Variants in COL7A1 observed in about 807,000 individuals in gnomAD.
COL7A1 encodes the protein collagen alpha-1(VII) chain.
In COL7A1, 296 loss-of-function variants were observed where a neutral mutation model predicts 456.2. The ratio of observed to expected loss-of-function variants is 0.65; its 90% confidence interval spans 0.59 to 0.71. The LOEUF is 0.71. Among genes scored for constraint, COL7A1 ranks in the 30% least tolerant of loss-of-function variants. The pLI is 0.00. For synonymous variants in COL7A1, 1,464 were observed against 1,525.9 expected (o/e 0.96, Z 0.95); for missense variants, 3,441 against 4,017.2 (o/e 0.86, Z 3.88).
At chr3:48,584,792 G>A (rs202152758) in intron 34 of COL7A1, 23 bp from the exon 35 acceptor site, 9 of 1,613,954 alleles carry the variant, frequency 5.6e-6, no homozygotes, top group East Asian at 2.2e-5. Flanking sequence ...CAGAGCAGAG[G>A]GTGGTGCTTG....
At position 48,595,170 on chromosome 3, in the gene COL7A1, A is replaced by C. The variant is rs2045996179; in HGVS notation, c.-1-10T>G. ...AAGCCGCAGCGTCATCCTAGGCAGT[A>C]AAAGCCGTCAGCTAGGACCCCCGCC... On this transcript the variant is annotated splice_polypyrimidine_tract_variant and intron_variant, in intron 1 of 118. Transcript: ENST00000681320. 2 of 1,549,958 alleles carry C rather than the reference A, an allele frequency of 1.3e-6. No individual in the cohort carries two copies. Among genetic ancestry groups the C allele is most frequent in the Admixed American group, 2.0e-5 (1 of 51,136 alleles).
At position 48,569,705 on chromosome 3, in the gene COL7A1, C is replaced by T. The variant is rs1188811754; in HGVS notation, c.7557+20G>A. On this transcript the variant is annotated intron_variant, in intron 101 of 118. Transcript: ENST00000681320. The surrounding 1 kb of genome is among the most constrained non-coding windows in gnomAD (Gnocchi z 4.9). ...GGAGCACCCTGGCCCCTGCCCTGCC[C>T]TCCCCATGCCCACACTCACCTTGTC... 2 of 1,614,152 alleles carry T rather than the reference C, an allele frequency of 1.2e-6. No individual in the cohort carries two copies. Among genetic ancestry groups the T allele is most frequent in the South Asian group, 1.1e-5 (1 of 91,088 alleles).
rs780841835 is a variant in COL7A1, at chr3:48,585,626, G to T, written c.3832-7C>A. 2.5e-6 allele frequency: 4 copies of T among 1,614,058 alleles called. No homozygotes were observed. Among genetic ancestry groups the T allele is most frequent in the Admixed American group, 3.3e-5 (2 of 60,030 alleles). On this transcript the variant is annotated splice_polypyrimidine_tract_variant and splice_region_variant and intron_variant, in intron 31 of 118. Coordinates refer to ENST00000681320, the MANE Select transcript of COL7A1 (RefSeq NM_000094.4). The surrounding 1 kb of genome is among the most constrained non-coding windows in gnomAD (Gnocchi z 4.5). ...CGGGAGCACCGGTCCTGCCCTGAAA[G>T]AAGATAGCAGTTAGGTGGGGATAAG...
chr3:48,570,822 G>GATT lies in COL7A1; in HGVS notation c.7272+36_7272+38dup, dbSNP rs1301884364. ...CAGGGCCCCCTCCTCACCCACCATG[G>GATT]ATTCACCATGCCCCTACATGCTGTT... On this transcript the variant is annotated intron_variant, in intron 95 of 118. Transcript: ENST00000681320. This position sits in a 1 kb window ranked among gnomAD's most constrained non-coding sequence, Gnocchi z 5.5. 11 of 1,581,982 alleles carry GATT rather than the reference G, an allele frequency of 7.0e-6. No homozygotes were observed. The highest frequency in any genetic ancestry group is 8.6e-7 in the Non-Finnish European group (1 of 1,163,826).
Position 48,579,602 on chromosome 3 carries a change from C to T in COL7A1, c.5221G>A (p.Ala1741Thr), listed in dbSNP as rs1344057327. 13 of 1,613,854 alleles carry T rather than the reference C, an allele frequency of 8.1e-6. No homozygotes were observed. Among genetic ancestry groups the T allele is most frequent in the Non-Finnish European group, 1.1e-5 (13 of 1,179,990 alleles). The part of the protein sequence containing the change: ...GPKGDPGLPG[A>T]PGERGIEGFR... ...ATCACACTCACCCTTTCCCCAGGGG[C>T]TCCAGGGAGGCCAGGATCACCCTTG... The change falls in exon 59 of 119, where the codon GCC becomes ACC. Residue 1741 changes from alanine to threonine, a missense_variant. Ala to Thr is a moderately conservative substitution (Grantham distance 58). Transcript: ENST00000681320. This position sits in a 1 kb window ranked among gnomAD's most constrained non-coding sequence, Gnocchi z 4.4.
In COL7A1 at chr3:48,587,168, C is replaced by G. The variant is rs1468048976; in HGVS notation, c.3139+22G>C. On this transcript the variant is annotated intron_variant, in intron 24 of 118. Coordinates refer to ENST00000681320, the MANE Select transcript of COL7A1 (RefSeq NM_000094.4). The surrounding 1 kb of genome is among the most constrained non-coding windows in gnomAD (Gnocchi z 6.1). Reference sequence around the variant, plus strand: ...GCCCACCCAGACACACCTTTCTGCCCTTCCCACTACGCCCACTATACCTGG... The same window carrying G: ...GCCCACCCAGACACACCTTTCTGCCGTTCCCACTACGCCCACTATACCTGG... The G allele has an allele frequency of 1.9e-6, 3 of 1,613,566 alleles. No homozygotes were observed. The highest frequency in any genetic ancestry group is 1.7e-5 in the Admixed American group (1 of 59,948).
At chr3:48,582,229 A>C in intron 47 of COL7A1, 94 bp downstream of exon 47, 1 of 1,603,316 alleles carries the variant, frequency 6.2e-7, no homozygotes, top group Non-Finnish European at 8.5e-7. Context: ...TCACGGGCCC[A>C]GCACTGTGGA....
In COL7A1 at chr3:48,588,928, G is replaced by A. The variant is rs1388911281; in HGVS notation, c.2382C>T (p.Ile794=). 2 of 1,613,680 alleles carry A rather than the reference G, an allele frequency of 1.2e-6. No individual in the cohort carries two copies. The highest frequency in any genetic ancestry group is 1.7e-5 in the Admixed American group (1 of 60,032). The change falls in exon 19 of 119, where the codon ATC becomes ATT. Residue 794 remains isoleucine, a synonymous_variant. Transcript: ENST00000681320. The surrounding 1 kb of genome is among the most constrained non-coding windows in gnomAD (Gnocchi z 4.6). ...TGGCTCCAGTGACCCCTACCCAGGT[G>A]ATCCGTAGAACGTCGCTGGAAGCAT... ...ILNASSDVLR[I]TWVGVTGATA...
rs760868917 is a variant in COL7A1 at position 48,565,710 on chromosome 3, A to G, written c.8408-42T>C. 35 of 1,576,234 alleles carry G rather than the reference A, an allele frequency of 2.2e-5. No individual in the cohort carries two copies. In the African/African-American group the frequency reaches 4.1e-4, roughly 18 times the overall value. ...GGGATAGAGAGACAATGACAGAGAG[A>G]AGGATGGGAAGATGGAGAGACAGAC... On this transcript the variant is annotated intron_variant, in intron 114 of 118. Coordinates refer to ENST00000681320, the MANE Select transcript of COL7A1 (RefSeq NM_000094.4). This position sits in a 1 kb window ranked among gnomAD's most constrained non-coding sequence, Gnocchi z 4.5.
At position 48,573,679 on chromosome 3, in the gene COL7A1, T is replaced by C. The variant is rs1168717180; in HGVS notation, c.6573+11A>G. Reference sequence around the variant, plus strand: ...CAGACCCTCACCAGGCAGTGTTCCCTGGTCACTCACCGGGGCACCAGGTGG... The same window carrying C: ...CAGACCCTCACCAGGCAGTGTTCCCCGGTCACTCACCGGGGCACCAGGTGG... On this transcript the variant is annotated intron_variant, in intron 82 of 118. Transcript: ENST00000681320. This position sits in a 1 kb window ranked among gnomAD's most constrained non-coding sequence, Gnocchi z 5.5. The C allele has an allele frequency of 3.1e-6, 5 of 1,612,686 alleles. No individual in the cohort carries two copies. Among genetic ancestry groups the C allele is most frequent in the African/African-American group, 1.3e-5 (1 of 74,894 alleles).
chr3:48,565,284 C>T lies in COL7A1; in HGVS notation c.8528-83G>A. 7 of 1,502,948 alleles carry T rather than the reference C, an allele frequency of 4.7e-6. No individual in the cohort carries two copies. The allele number at this position is 1,502,948 out of a possible 1,614,324, so 93.1% of individuals were successfully genotyped here. ...GCAGCACTGATTTCCACTGTGTGCA[C>T]ACAGTGCCCATGCGTGTGCCCTGCA... On this transcript the variant is annotated intron_variant, in intron 116 of 118. Coordinates refer to ENST00000681320, the MANE Select transcript of COL7A1 (RefSeq NM_000094.4). The surrounding 1 kb of genome is among the most constrained non-coding windows in gnomAD (Gnocchi z 4.5).
chr3:48,590,802 G>C lies in COL7A1; in HGVS notation c.1651C>G (p.Leu551Val). Reference protein sequence around the residue: ...VRSTQGVERTLVLPGSQTAFD... With the variant: ...VRSTQGVERTVVLPGSQTAFD... ...GCTGTCTGACTCCCAGGAAGCACCAGGGTCCGCTCAACCCCTAAGAGAGAA... is the reference window on the plus strand; with the variant it reads ...GCTGTCTGACTCCCAGGAAGCACCACGGTCCGCTCAACCCCTAAGAGAGAA... The change falls in exon 14 of 119, where the codon CTG becomes GTG. Residue 551 changes from leucine (L) to valine (V), a missense_variant. By Grantham distance (32) the Leu-to-Val change is conservative (BLOSUM62 1). This residue lies in a region of COL7A1 where 913 missense variants were observed against 1,088.2 expected (regional missense o/e 0.84). Transcript: ENST00000681320. The surrounding 1 kb of genome is among the most constrained non-coding windows in gnomAD (Gnocchi z 4.6). 6.2e-7 allele frequency: 1 copy of C among 1,613,652 alleles called. No individual in the cohort carries two copies. The highest frequency in any genetic ancestry group is 1.1e-5 in the South Asian group (1 of 91,080).
At position 48,586,052 on chromosome 3, in the gene COL7A1, C is replaced by T. The variant is rs373217568; in HGVS notation, c.3723+22G>A. The T allele has an allele frequency of 6.2e-6, 10 of 1,613,498 alleles. No homozygotes were observed. The highest frequency in any genetic ancestry group is 1.7e-5 in the Admixed American group (1 of 60,034). On this transcript the variant is annotated intron_variant, in intron 28 of 118. Transcript: ENST00000681320. The surrounding 1 kb of genome is among the most constrained non-coding windows in gnomAD (Gnocchi z 5.1). The stretch of plus-strand genomic sequence containing the variant: ...GACCCCTTATATTCTACCACCCAGT[C>T]CCCCAGAGGCCTCTTCCAAACCTGA...
chr3:48,568,556 G>C lies in COL7A1; in HGVS notation c.7759-22C>G, dbSNP rs778750758. On this transcript the variant is annotated intron_variant, in intron 104 of 118. Transcript: ENST00000681320. This position sits in a 1 kb window ranked among gnomAD's most constrained non-coding sequence, Gnocchi z 5.2. ...GACCCTGTGAGAAACACAGATGGGGGAGCCCTTCAGTGGGACTGTCCCCAA... is the reference window on the plus strand; with the variant it reads ...GACCCTGTGAGAAACACAGATGGGGCAGCCCTTCAGTGGGACTGTCCCCAA... 5.5e-5 allele frequency: 88 copies of C among 1,605,124 alleles called. No individual in the cohort carries two copies. Among genetic ancestry groups the C allele is most frequent in the Non-Finnish European group, 7.4e-5 (87 of 1,174,114 alleles).
Position 48,593,797 on chromosome 3 carries a change from CTT to C in COL7A1, c.267-103_267-102del. ...GTGAGGGTTACGGGTATCAGGCTCT[CTT>C]GAGGGGTCCCTTCGTTCTGTCATTC... On this transcript the variant is annotated intron_variant, in intron 3 of 118. Coordinates refer to ENST00000681320, the MANE Select transcript of COL7A1 (RefSeq NM_000094.4). The surrounding 1 kb of genome is among the most constrained non-coding windows in gnomAD (Gnocchi z 4.4). 7.2e-7 allele frequency: 1 copy of C among 1,398,570 alleles called. No individual in the cohort carries two copies. The highest frequency in any genetic ancestry group is 1.4e-5 in the African/African-American group (1 of 70,568). The allele number at this position is 1,398,570 out of a possible 1,614,324, so 86.6% of individuals were successfully genotyped here. A position where few individuals can be genotyped will look rare whatever the true frequency, so the allele number is the denominator to read the frequency against.
rs778767229 is a variant in COL7A1 at position 48,570,348 on chromosome 3, G to C, written c.7381-14C>G. 2.5e-6 allele frequency: 4 copies of C among 1,614,088 alleles called. No individual in the cohort carries two copies. The East Asian group carries it at 8.9e-5, about 36-fold the overall frequency. ...TCCAGGGTCTCCCTGGAGACCAACA[G>C]GACACCGGGGATCAGTGAGGGGAAT... is the stretch of plus-strand genomic sequence containing the variant. On this transcript the variant is annotated splice_polypyrimidine_tract_variant and intron_variant, in intron 97 of 118. Transcript: ENST00000681320. This position sits in a 1 kb window ranked among gnomAD's most constrained non-coding sequence, Gnocchi z 5.5.
chr3:48,565,255 G>A lies in COL7A1; in HGVS notation c.8528-54C>T. 2 of 1,558,064 alleles carry A rather than the reference G, an allele frequency of 1.3e-6. No homozygotes were observed. The highest frequency in any genetic ancestry group is 1.8e-6 in the Non-Finnish European group (2 of 1,136,576). ...CAGTGGCTGCTGGCCCCGGGGCAAG[G>A]TGGGCAGCACTGATTTCCACTGTGT... On this transcript the variant is annotated intron_variant, in intron 116 of 118. Transcript: ENST00000681320. The surrounding 1 kb of genome is among the most constrained non-coding windows in gnomAD (Gnocchi z 4.5).
chr3:48,564,912 C>T lies in COL7A1; in HGVS notation c.8689G>A (p.Val2897Met). The change falls in exon 118 of 119, where the codon GTG becomes ATG. Residue 2897 changes from valine to methionine, a missense_variant. Physicochemically the swap from Val to Met is conservative, Grantham distance 21 (BLOSUM62 1). Transcript: ENST00000681320. This position sits in a 1 kb window ranked among gnomAD's most constrained non-coding sequence, Gnocchi z 6.0. Reference sequence around the variant, plus strand: ...TGACAGGCCTCTGTGCTGCCTGTCACAGCCCGATGGTACCAGCGCAGGGTG... The same window carrying T: ...TGACAGGCCTCTGTGCTGCCTGTCATAGCCCGATGGTACCAGCGCAGGGTG... Reference protein sequence around the residue: ...AYTLRWYHRAVTGSTEACHPF... With the variant: ...AYTLRWYHRAMTGSTEACHPF... The T allele has an allele frequency of 6.2e-7, 1 of 1,614,238 alleles. No homozygotes were observed. Among genetic ancestry groups the T allele is most frequent in the Middle Eastern group, 1.6e-4 (1 of 6,062 alleles).
At chr3:48,589,560 T>C in intron 17 of COL7A1, 39 bp downstream of exon 17, 1 of 1,612,024 alleles carries the variant, frequency 6.2e-7, no homozygotes, top group Non-Finnish European at 8.5e-7. Flanking sequence ...CAGCCCCCAT[T>C]CCACCCTGAC....
Sources: allele counts gnomAD v4.1 joint callset, GRCh38; gene constraint gnomAD v4.1.1; regional missense constraint gnomAD v4.1.1; non-coding constraint Gnocchi (gnomAD v3.1); transcripts MANE v1.5; gene names NCBI Gene and HGNC (gene_info 2026-07-23, HGNC 2026-07-21).